Variants in NR3C2 observed in about 807,000 individuals in gnomAD.
NR3C2 encodes mineralocorticoid receptor.
Under a neutral mutation model 86.4 loss-of-function variants are expected in NR3C2, and 15 were observed. The observed-to-expected ratio is 0.17, with a 90% CI of 0.12 to 0.27. The LOEUF (loss-of-function observed/expected upper bound fraction) is 0.27, where lower values mean the gene tolerates loss of function less well. NR3C2 is among the 10% of genes least tolerant of loss of function. The probability of loss-of-function intolerance (pLI) is 1.00; values close to 1 mark genes in which losing one functional copy is unlikely to be tolerated. For synonymous variants in NR3C2, 458 were observed against 450.5 expected (o/e 1.02, Z -0.21); for missense variants, 960 against 1,195.6 (o/e 0.80, Z 2.91).
At chr4:148,318,208 T>C in intron 2 of NR3C2, among the ~76,000 whole-genome samples, 1 of 151,440 alleles carries the variant, frequency 6.6e-6, no homozygotes, top group Admixed American at 6.6e-5. Context: ...CATGAACTCA[T>C]CATTTTTTAT....
chr4:148,119,502 A>G lies in NR3C2; in HGVS notation c.2641+656T>C, dbSNP rs73853743. On this transcript the variant is annotated intron_variant, in intron 7 of 8. Coordinates refer to ENST00000358102, the MANE Select transcript of NR3C2 (RefSeq NM_000901.5). ...AATAATTACTTTCCATATGTATTAA[A>G]GATATCTTTGGCCAGGCGTGGTGGC... Among the ~76,000 whole-genome samples, 1,007 of 152,306 alleles carry G rather than the reference A, an allele frequency of 6.6e-3. 13 individuals are homozygous for G. Among genetic ancestry groups the G allele is most frequent in the African/African-American group, 0.023 (956 of 41,564 alleles).
rs570325141 is a variant in NR3C2 at position 148,316,239 on chromosome 4, A to G, written c.1758-56122T>C. On this transcript the variant is annotated intron_variant, in intron 2 of 8. Transcript: ENST00000358102. ...CACATACACACACAGGATTGTAAGG[A>G]AATACATATAATATAGTGGTCATCT... is the stretch of plus-strand genomic sequence containing the variant. Among the ~76,000 whole-genome samples, 10 of 152,334 alleles carry G rather than the reference A, an allele frequency of 6.6e-5. 1 individual carries two copies. The South Asian group carries it at 2.1e-3, about 32-fold the overall frequency.
chr4:148,114,520 T>G (rs77243334), intron 7 of NR3C2, among the ~76,000 whole-genome samples: 4,166 of 152,274 alleles, frequency 0.027, 188 homozygotes, highest in African/African-American at 0.094. Flanking sequence ...ATGACATAAC[T>G]GTTATATCAT....
chr4:148,140,675 T>C (rs1733564996), intron 6 of NR3C2, among the ~76,000 whole-genome samples: 1 of 152,216 alleles, frequency 6.6e-6, no homozygotes, highest in African/African-American at 2.4e-5. Context: ...ACTAAGCCTT[T>C]TGAAGATAAT....
intron 4 of NR3C2, among the ~76,000 whole-genome samples, chr4:148,185,160 G>A (rs1469743766): frequency 1.3e-5 from 2 of 152,244 alleles, no homozygotes; most frequent in Non-Finnish European, 2.9e-5. Flanking sequence ...CAGTCTGAGA[G>A]GTAGGTATGC....
At chr4:148,406,221 A>G (rs1347092507) in intron 2 of NR3C2, among the ~76,000 whole-genome samples, 1 of 152,176 alleles carries the variant, frequency 6.6e-6, no homozygotes, top group Non-Finnish European at 1.5e-5. Flanking sequence ...CACTGTCTTC[A>G]TGAGGCATGC....
Position 148,079,691 on chromosome 4 carries a change from T to TAAAC in NR3C2, c.*1649_*1652dup, listed in dbSNP as rs1418939742. ...GTGCCAAACAAACAGATTAATGAAT[T>TAAAC]AAACATTTTAGTGCCACTGTCTTGC... On this transcript the variant is annotated 3_prime_UTR_variant, in exon 9 of 9. Coordinates refer to ENST00000358102, the MANE Select transcript of NR3C2 (RefSeq NM_000901.5). 1 of 152,642 alleles carries TAAAC rather than the reference T, an allele frequency of 6.6e-6. No individual in the cohort carries two copies. The highest frequency in any genetic ancestry group is 1.5e-5 in the Non-Finnish European group (1 of 68,042). The allele number at this position is 152,642 out of a possible 1,614,324, so 9.5% of individuals were successfully genotyped here.
Position 148,435,341 on chromosome 4 carries a change from C to T in NR3C2, c.1520G>A (p.Ser507Asn). The T allele has an allele frequency of 6.2e-7, 1 of 1,614,190 alleles. No homozygotes were observed. The highest frequency in any genetic ancestry group is 8.5e-7 in the Non-Finnish European group (1 of 1,180,040). The change falls in exon 2 of 9, where the codon AGC becomes AAC. Residue 507 changes from serine to asparagine, a missense_variant. Physicochemically the swap from Ser to Asn is conservative, Grantham distance 46. Transcript: ENST00000358102. ...CCCAACAATAGCAGAGGAAGGGATG[C>T]TGGCCTCTGGGTAATAGCTCCCATC... ...PDDGSYYPEA[S>N]IPSSAIVGVN...
chr4:148,291,490 CCTCTTA>C (rs1466594666), intron 2 of NR3C2, among the ~76,000 whole-genome samples: 1 of 151,922 alleles, frequency 6.6e-6, no homozygotes, highest in African/African-American at 2.4e-5. Flanking sequence ...TGTATCTTTT[CCTCTTA>C]CTATCAGTAT....
intron 4 of NR3C2, among the ~76,000 whole-genome samples, chr4:148,176,397 T>C (rs1735374994): frequency 6.6e-6 from 1 of 152,142 alleles, no homozygotes; most frequent in African/African-American, 2.4e-5. Flanking sequence ...ACAGCACCCA[T>C]GCAAGCATCA....
At chr4:148,139,590 G>A (rs1050237871) in intron 6 of NR3C2, among the ~76,000 whole-genome samples, 2 of 152,136 alleles carry the variant, frequency 1.3e-5, no homozygotes, top group Non-Finnish European at 2.9e-5. Flanking sequence ...CAAGGGAGAG[G>A]GGCACAGATG....
intron 4 of NR3C2, among the ~76,000 whole-genome samples, chr4:148,160,993 T>C (rs1734631533): frequency 6.6e-6 from 1 of 152,136 alleles, no homozygotes; most frequent in African/African-American, 2.4e-5. Context: ...AAGGAAGCAA[T>C]GTCATCCTTC....
rs530957356 is a variant in NR3C2, at chr4:148,080,965, C to T, written c.*379G>A. The T allele has an allele frequency of 6.9e-4, 226 of 326,302 alleles. 1 individual carries two copies. Among genetic ancestry groups the T allele is most frequent in the Non-Finnish European group, 9.9e-4 (163 of 164,108 alleles). The allele number at this position is 326,302 out of a possible 1,614,324, so 20.2% of individuals were successfully genotyped here. On this transcript the variant is annotated 3_prime_UTR_variant, in exon 9 of 9. Coordinates refer to ENST00000358102, the MANE Select transcript of NR3C2 (RefSeq NM_000901.5). ...TGCAAACCAAGGGTAAGCTTTAAAA[C>T]GTTCGTTAGTCCTTGAACCCTTTTA...
At chr4:148,334,211 A>G (rs1287360638) in intron 2 of NR3C2, among the ~76,000 whole-genome samples, 1 of 152,156 alleles carries the variant, frequency 6.6e-6, no homozygotes, top group Non-Finnish European at 1.5e-5. Context: ...AAAAGCACAC[A>G]AAAAAATTTG....
At chr4:148,198,500 C>A (rs747048003) in intron 3 of NR3C2, among the ~76,000 whole-genome samples, 1 of 152,022 alleles carries the variant, frequency 6.6e-6, no homozygotes, top group South Asian at 2.1e-4. Context: ...GGACCAGCTT[C>A]GCAACCAGGG....
chr4:148,334,181 C>T (rs1744368922), intron 2 of NR3C2, among the ~76,000 whole-genome samples: 1 of 152,130 alleles, frequency 6.6e-6, no homozygotes, highest in African/African-American at 2.4e-5. Context: ...ATGAGACAGG[C>T]TTTGATTTAG....
At chr4:148,423,609 A>G (rs563709684) in intron 2 of NR3C2, among the ~76,000 whole-genome samples, 4 of 152,206 alleles carry the variant, frequency 2.6e-5, no homozygotes, top group Non-Finnish European at 5.9e-5. Flanking sequence ...CCCCAACTAG[A>G]TGGGAATACA....
rs1051105033 is a variant in NR3C2 at position 148,442,275 on chromosome 4, G to T, written c.-118C>A. ...AACCACATCCAGGCCAGCGAGTGCCGCTCTCCCTGCAGCGGGAGAGCCCGA... is the reference window on the plus strand; with the variant it reads ...AACCACATCCAGGCCAGCGAGTGCCTCTCTCCCTGCAGCGGGAGAGCCCGA... On this transcript the variant is annotated 5_prime_UTR_variant, in exon 1 of 9. Transcript: ENST00000358102. The T allele has an allele frequency of 6.5e-6, 1 of 152,676 alleles. No homozygotes were observed. The highest frequency in any genetic ancestry group is 1.5e-5 in the Non-Finnish European group (1 of 68,358). The allele number at this position is 152,676 out of a possible 1,614,324, so 9.5% of individuals were successfully genotyped here. A position where few individuals can be genotyped will look rare whatever the true frequency, so the allele number is the denominator to read the frequency against.
At chr4:148,393,480 G>A (rs1423727324) in intron 2 of NR3C2, among the ~76,000 whole-genome samples, 2 of 152,116 alleles carry the variant, frequency 1.3e-5, no homozygotes, top group African/African-American at 2.4e-5. Flanking sequence ...GAGCTGTCAC[G>A]GGGCTCAGAT....
Sources: gnomAD v4.1 joint callset for allele counts (sites outside exome capture counted in the v4.1 genomes callset) on GRCh38, gnomAD v4.1.1 for gene constraint, MANE v1.5 for transcripts, NCBI Gene and HGNC (gene_info 2026-07-23, HGNC 2026-07-21) for gene names.